The following SRPK2 variants were observed in gnomAD, a reference collection of about 807,000 sequenced individuals.
SRPK2 encodes the protein SFRS protein kinase 2.
Under a neutral mutation model 90.8 loss-of-function variants are expected in SRPK2, and 21 were observed. The observed-to-expected ratio is 0.23, with a 90% CI of 0.16 to 0.33. The LOEUF (loss-of-function observed/expected upper bound fraction) is 0.33. Ranked by LOEUF, SRPK2 falls within the 10% of genes least tolerant of loss-of-function variation. The probability of loss-of-function intolerance (pLI) is 1.00; values close to 1 mark genes in which losing one functional copy is unlikely to be tolerated. For missense variants in SRPK2, 620 were observed against 869.0 expected (o/e 0.71, Z 3.60); for synonymous variants, 288 against 311.1 (o/e 0.93, Z 0.78).
intron 2 of SRPK2, chr7:105,304,522 C>T (rs901994386): frequency 2.6e-5 from 4 of 152,210 alleles, no homozygotes; most frequent in Admixed American, 2.6e-4. Context: ...CCATAAACCA[C>T]AGAAAGTGCA....
chr7:105,278,137 G>A (rs781725220), intron 2 of SRPK2, among the ~76,000 whole-genome samples: 1 of 151,582 alleles, frequency 6.6e-6, no homozygotes, highest in Admixed American at 6.6e-5. Flanking sequence ...CCAACAAGGT[G>A]AAAACCCGTC....
chr7:105,334,191 T>C (rs1585756187), intron 2 of SRPK2, among the ~76,000 whole-genome samples: 1 of 152,184 alleles, frequency 6.6e-6, no homozygotes, highest in East Asian at 1.9e-4. Context: ...AAGCAATTCT[T>C]CTGCCTCAGC....
chr7:105,220,161 T>G lies in SRPK2; in HGVS notation c.72-16376A>C, dbSNP rs145256791. Among the ~76,000 whole-genome samples, 429 of 152,342 alleles carry G rather than the reference T, an allele frequency of 2.8e-3. 11 individuals are homozygous for G. The East Asian group carries it at 0.055, about 20-fold the overall frequency. ...AAACATAGGGAAAAATAATGCAGTT[T>G]AAATGTGGCTATAAAATAAATACTT... On this transcript the variant is annotated intron_variant, in intron 2 of 15. Transcript: ENST00000393651.
intron 2 of SRPK2, among the ~76,000 whole-genome samples, chr7:105,277,810 C>A (rs1199752809): frequency 6.6e-6 from 1 of 152,158 alleles, no homozygotes. Context: ...ATCACACAGT[C>A]TAACAATTCA....
intron 2 of SRPK2, among the ~76,000 whole-genome samples, chr7:105,324,383 C>T (rs929432186): frequency 3.3e-5 from 5 of 151,780 alleles, no homozygotes; most frequent in African/African-American, 7.3e-5. Context: ...AGTGCAATGG[C>T]GCGATCTCAG....
chr7:105,228,694 G>A (rs1186474133), intron 2 of SRPK2, among the ~76,000 whole-genome samples: 1 of 152,176 alleles, frequency 6.6e-6, no homozygotes, highest in African/African-American at 2.4e-5. Flanking sequence ...GCGGCAAGAT[G>A]AGCTGCTAAC....
chr7:105,203,852 C>T, intron 2 of SRPK2, 67 bp from the exon 3 acceptor site: 1 of 1,528,184 alleles, frequency 6.5e-7, no homozygotes, highest in African/African-American at 1.4e-5. Flanking sequence ...TGCATTTGAG[C>T]ACTTCTTAAT....
intron 2 of SRPK2, among the ~76,000 whole-genome samples, chr7:105,358,107 C>T (rs1485273993): frequency 6.6e-6 from 1 of 151,606 alleles, no homozygotes; most frequent in Non-Finnish European, 1.5e-5. Flanking sequence ...TCCTGGAGTC[C>T]CAGCTACTCA....
At chr7:105,211,501 C>T (rs1469167285) in intron 2 of SRPK2, among the ~76,000 whole-genome samples, 1 of 152,108 alleles carries the variant, frequency 6.6e-6, no homozygotes, top group African/African-American at 2.4e-5. Flanking sequence ...AACTTACAAT[C>T]ATGGTGGAAG....
In SRPK2 at chr7:105,376,795, A is replaced by C. The variant is rs186469899; in HGVS notation, c.71+11853T>G. On this transcript the variant is annotated intron_variant, in intron 2 of 15. Coordinates refer to ENST00000393651, the MANE Select transcript of SRPK2 (RefSeq NM_182692.3). ...TCAGGAGATCCACCCACCTCGGCCTACCAAAGTGCTAGGATTACAGTAGTG... is the reference window on the plus strand; with the variant it reads ...TCAGGAGATCCACCCACCTCGGCCTCCCAAAGTGCTAGGATTACAGTAGTG... Among the ~76,000 whole-genome samples, 648 of 149,640 alleles carry C rather than the reference A, an allele frequency of 4.3e-3. 9 individuals are homozygous for C. In the East Asian group the frequency reaches 0.053, roughly 12 times the overall value.
At chr7:105,341,626 GGC>G (rs1235414688) in intron 2 of SRPK2, among the ~76,000 whole-genome samples, 1 of 152,082 alleles carries the variant, frequency 6.6e-6, no homozygotes, top group Non-Finnish European at 1.5e-5. Context: ...GAGCCAAGAT[GGC>G]ATCACTGCAT....
At chr7:105,145,343 GA>G (rs758719528) in intron 8 of SRPK2, 35 bp from the exon 9 acceptor site, 141 of 1,535,990 alleles carry the variant, frequency 9.2e-5, no homozygotes, top group Non-Finnish European at 1.2e-4. Context: ...GTATTTAGCA[GA>G]AAACAGACAC....
At chr7:105,206,782 T>G (rs1796281735) in intron 2 of SRPK2, among the ~76,000 whole-genome samples, 1 of 152,226 alleles carries the variant, frequency 6.6e-6, no homozygotes, top group Non-Finnish European at 1.5e-5. Context: ...TATTAATAAT[T>G]TTCTACTTGC....
chr7:105,254,633 GTGA>G (rs1230495743), intron 2 of SRPK2, among the ~76,000 whole-genome samples: 1 of 152,046 alleles, frequency 6.6e-6, no homozygotes, highest in African/African-American at 2.4e-5. Context: ...TGTACGGTTG[GTGA>G]TGATGTTATC....
intron 13 of SRPK2, among the ~76,000 whole-genome samples, chr7:105,131,423 T>G (rs186957522): frequency 2.6e-5 from 4 of 152,350 alleles, no homozygotes; most frequent in Admixed American, 2.0e-4. Context: ...AACCGTTCTT[T>G]TCTATACCTA....
chr7:105,171,922 G>A (rs1354062790), intron 3 of SRPK2, among the ~76,000 whole-genome samples: 1 of 151,932 alleles, frequency 6.6e-6, no homozygotes, highest in East Asian at 1.9e-4. Context: ...TTTTGAGACC[G>A]AGTTTCGCTG....
At chr7:105,207,570 A>G (rs1796366705) in intron 2 of SRPK2, among the ~76,000 whole-genome samples, 1 of 152,256 alleles carries the variant, frequency 6.6e-6, no homozygotes, top group Non-Finnish European at 1.5e-5. Flanking sequence ...TACCAAAATA[A>G]TTAAATGGTA....
chr7:105,206,990 C>G (rs1476167531), intron 2 of SRPK2, among the ~76,000 whole-genome samples: 2 of 152,240 alleles, frequency 1.3e-5, no homozygotes, highest in African/African-American at 4.8e-5. Flanking sequence ...CTCAGTTCAT[C>G]ACAGAAAGTC....
At chr7:105,118,051 A>G in intron 15 of SRPK2, 29 bp from the exon 16 acceptor site, 1 of 1,606,516 alleles carries the variant, frequency 6.2e-7, no homozygotes, top group South Asian at 1.1e-5. Context: ...GCCAATGTCA[A>G]GAAAGCTCCA....
Sources: allele counts gnomAD v4.1 joint callset (sites outside exome capture counted in the v4.1 genomes callset), GRCh38; gene constraint gnomAD v4.1.1; transcripts MANE v1.5; gene names NCBI Gene and HGNC (gene_info 2026-07-23, HGNC 2026-07-21).